Variants in HELZ observed in about 807,000 individuals in gnomAD.
The protein encoded by HELZ is ATP-dependent RNA helicase with zinc finger domain.
Under a neutral mutation model 218.2 loss-of-function variants are expected in HELZ, and 23 were observed. The observed-to-expected ratio is 0.11, with a 90% confidence interval of 0.08 to 0.15. HELZ has a LOEUF of 0.15. HELZ is among the 10% of genes least tolerant of loss of function. HELZ has a pLI of 1.00. For synonymous variants in HELZ, 814 were observed against 829.4 expected, an observed-to-expected ratio of 0.98 and a Z score of 0.32; for missense variants, 1,813 against 2,353.7, an observed-to-expected ratio of 0.77 and a Z score of 4.75.
At chr17:67,107,039 TC>T in intron 31 of HELZ, 129 bp downstream of exon 31, 1 of 922,506 alleles carries the variant, frequency 1.1e-6, no homozygotes, top group Non-Finnish European at 1.6e-6. Flanking sequence ...TTAAAATAAT[TC>T]CCAAGAAAGG....
intron 31 of HELZ, among the ~76,000 whole-genome samples, chr17:67,098,475 C>T (rs996877044): frequency 6.6e-6 from 1 of 152,016 alleles, no homozygotes; most frequent in Non-Finnish European, 1.5e-5. Flanking sequence ...TGGCTCACGC[C>T]TGTAATCCCA....
intron 12 of HELZ, among the ~76,000 whole-genome samples, chr17:67,187,125 T>C (rs1386331179): frequency 2.0e-5 from 3 of 152,196 alleles, no homozygotes; most frequent in East Asian, 1.9e-4. Context: ...ATTTGCCAAA[T>C]ACTATGCTAA....
chr17:67,092,569 A>G (rs2036604196), intron 31 of HELZ, among the ~76,000 whole-genome samples: 1 of 152,238 alleles, frequency 6.6e-6, no homozygotes, highest in Non-Finnish European at 1.5e-5. Context: ...GGAAAAACGA[A>G]GGGCTCCACA....
intron 20 of HELZ, among the ~76,000 whole-genome samples, chr17:67,146,795 CAT>C (rs1224562324): frequency 5.3e-5 from 8 of 152,146 alleles, no homozygotes; most frequent in Non-Finnish European, 8.8e-5. Flanking sequence ...ACATGGCTGA[CAT>C]AATCAATATT....
At chr17:67,145,699 G>A (rs1388333109) in intron 21 of HELZ, 44 bp downstream of exon 21, 2 of 1,503,366 alleles carry the variant, frequency 1.3e-6, no homozygotes, top group Non-Finnish European at 1.8e-6. Flanking sequence ...ACTAGACGAT[G>A]TGACTGAGAA....
rs571174976 is a variant in HELZ at position 67,209,890 on chromosome 17, A to AT, written c.247+6008dup. 7.9e-5 allele frequency among the ~76,000 whole-genome samples: 12 copies of AT among 152,240 alleles called. No individual in the cohort carries two copies. The South Asian group carries it at 2.5e-3, about 32-fold the overall frequency. ...TTCACTAAATATTTTTTCCAAAAAA[A>AT]TTTTTAACTACCATAGAAACTATTT... On this transcript the variant is annotated intron_variant, in intron 5 of 32. Coordinates refer to ENST00000358691, the MANE Select transcript of HELZ (RefSeq NM_014877.4).
chr17:67,221,741 G>A (rs2040749307), intron 3 of HELZ, among the ~76,000 whole-genome samples: 2 of 152,022 alleles, frequency 1.3e-5, no homozygotes, highest in African/African-American at 4.8e-5. Flanking sequence ...AGAATGCCTG[G>A]GACATAAGTG....
chr17:67,073,841 G>A lies in HELZ; in HGVS notation c.*4411C>T, dbSNP rs1489038552. On this transcript the variant is annotated 3_prime_UTR_variant, in exon 33 of 33. Coordinates refer to ENST00000358691, the MANE Select transcript of HELZ (RefSeq NM_014877.4). ...TTAAAAAGGTATGAAAGTAGAAAGT[G>A]TGAATTTAGCAGCTTTAAAGTCTCA... 2.0e-5 allele frequency: 3 copies of A among 152,156 alleles called. No homozygotes were observed. The highest frequency in any genetic ancestry group is 4.8e-5 in the African/African-American group (2 of 41,432). 9.4% of individuals were successfully genotyped at this position (152,156 alleles called of 1,614,324 possible).
chr17:67,236,047 A>G (rs1039341148), intron 3 of HELZ, among the ~76,000 whole-genome samples: 1 of 152,162 alleles, frequency 6.6e-6, no homozygotes, highest in Non-Finnish European at 1.5e-5. Context: ...GGCGTGAGCC[A>G]CTGCACCCAG....
Position 67,145,833 on chromosome 17 carries a change from T to C in HELZ, c.2679A>G (p.Ala893=), listed in dbSNP as rs1268930252. Residue 893 remains alanine (A), a synonymous_variant, in exon 21 of 33, where the codon GCA becomes GCG. Coordinates refer to ENST00000358691, the MANE Select transcript of HELZ (RefSeq NM_014877.4). ...GKLMASGKQP[A]HKDFYPLTFF... ...AAGTTAGTGGGTAGAAATCTTTGTGTGCTGGCTGCTTCCCACTGGCCATCA... is the reference window on the plus strand; with the variant it reads ...AAGTTAGTGGGTAGAAATCTTTGTGCGCTGGCTGCTTCCCACTGGCCATCA... 2 of 1,613,790 alleles carry C rather than the reference T, an allele frequency of 1.2e-6. No individual in the cohort carries two copies. Among genetic ancestry groups the C allele is most frequent in the South Asian group, 2.2e-5 (2 of 91,074 alleles).
At chr17:67,158,245 G>T (rs2038899534) in intron 17 of HELZ, among the ~76,000 whole-genome samples, 1 of 152,072 alleles carries the variant, frequency 6.6e-6, no homozygotes, top group African/African-American at 2.4e-5. Context: ...CATGAGCCTT[G>T]CTCCCTAGAG....
chr17:67,098,489 C>T (rs1323980569), intron 31 of HELZ, among the ~76,000 whole-genome samples: 1 of 151,964 alleles, frequency 6.6e-6, no homozygotes, highest in Non-Finnish European at 1.5e-5. Flanking sequence ...AATCCCAGCC[C>T]TTTGGGAAGC....
At chr17:67,156,541 C>T (rs187639301) in intron 17 of HELZ, among the ~76,000 whole-genome samples, 86 of 152,248 alleles carry the variant, frequency 5.6e-4, no homozygotes, top group Admixed American at 1.5e-3. Context: ...ATCACTAAAT[C>T]ACATCGATGT....
intron 31 of HELZ, among the ~76,000 whole-genome samples, chr17:67,105,352 A>G (rs2037068856): frequency 6.6e-6 from 1 of 152,198 alleles, no homozygotes; most frequent in South Asian, 2.1e-4. Flanking sequence ...GTGTGGATGC[A>G]CTTCAAAAGC....
intron 22 of HELZ, among the ~76,000 whole-genome samples, chr17:67,137,625 CG>C (rs1567832182): frequency 6.6e-6 from 1 of 152,074 alleles, no homozygotes; most frequent in Non-Finnish European, 1.5e-5. Context: ...CCTCAGATAC[CG>C]TATAACAGCA....
intron 32 of HELZ, among the ~76,000 whole-genome samples, chr17:67,082,026 T>A (rs985941110): frequency 1.3e-5 from 2 of 152,192 alleles, no homozygotes; most frequent in African/African-American, 4.8e-5. Context: ...CCATCACATC[T>A]AGTGGCTATT....
chr17:67,211,418 C>T (rs1178367969), intron 5 of HELZ, among the ~76,000 whole-genome samples: 3 of 152,024 alleles, frequency 2.0e-5, no homozygotes, highest in Non-Finnish European at 4.4e-5. Context: ...GGATAAATGT[C>T]ATGATGTCTT....
At position 67,178,770 on chromosome 17, in the gene HELZ, T is replaced by C; in HGVS notation, c.1319A>G (p.Gln440Arg). The C allele has an allele frequency of 1.2e-6, 2 of 1,614,034 alleles. No individual in the cohort carries two copies. Among genetic ancestry groups the C allele is most frequent in the Non-Finnish European group, 1.7e-6 (2 of 1,179,928 alleles). The change falls in exon 13 of 33, where the codon CAG (glutamine) becomes CGG (arginine). Residue 440 changes from glutamine to arginine, a missense_variant. Around this residue, in one of 4 missense-constraint regions of HELZ, gnomAD observed 714 missense variants for 1,029.2 expected, o/e 0.69. Coordinates refer to ENST00000358691, the MANE Select transcript of HELZ (RefSeq NM_014877.4). Reference sequence around the variant, plus strand: ...GTCTAAAACGGACTGAGTAAATAGCTGGTCAGCAGAGAGGGGAATTTGGTA... The same window carrying C: ...GTCTAAAACGGACTGAGTAAATAGCCGGTCAGCAGAGAGGGGAATTTGGTA... ...IRYQIPLSAD[Q>R]LFTQSVLDKS...
chr17:67,228,674 A>G (rs990991526), intron 3 of HELZ, among the ~76,000 whole-genome samples: 5 of 151,278 alleles, frequency 3.3e-5, no homozygotes, highest in Non-Finnish European at 7.4e-5. Flanking sequence ...AAAAAAAAAA[A>G]TTTATTGTGA....
Sources: gnomAD v4.1 joint callset for allele counts (sites outside exome capture counted in the v4.1 genomes callset) on GRCh38, gnomAD v4.1.1 for gene constraint, gnomAD v4.1.1 regional missense constraint, MANE v1.5 for transcripts, NCBI Gene and HGNC (gene_info 2026-07-23, HGNC 2026-07-21) for gene names.